The following SAMHD1 variants were observed in gnomAD, a reference collection of about 807,000 sequenced individuals.
SAMHD1 encodes the protein SAM and HD domain containing deoxynucleoside triphosphate triphosphohydrolase 1.
SAMHD1 carries 54 observed loss-of-function variants against 79.6 expected under a neutral mutation model. That is an observed-to-expected ratio of 0.68 (90% CI 0.55 to 0.85). The LOEUF (loss-of-function observed/expected upper bound fraction) is 0.85. SAMHD1 is among the 40% of genes least tolerant of loss of function. The pLI, the probability that SAMHD1 is intolerant of heterozygous loss-of-function variation, is 0.00. For synonymous variants in SAMHD1, 260 were observed against 264.1 expected, an observed-to-expected ratio of 0.98 and a Z score of 0.15; for missense variants, 663 against 782.7, an observed-to-expected ratio of 0.85 and a Z score of 1.82.
chr20:36,943,815 C>A (rs538709685), intron 2 of SAMHD1, among the ~76,000 whole-genome samples: 1 of 152,128 alleles, frequency 6.6e-6, no homozygotes, highest in Non-Finnish European at 1.5e-5. Context: ...GACAGTGGCT[C>A]ACGCCTGTAA....
At chr20:36,914,955 T>C (rs139922523) in intron 9 of SAMHD1, among the ~76,000 whole-genome samples, 26 of 152,096 alleles carry the variant, frequency 1.7e-4, no homozygotes, top group African/African-American at 6.3e-4. Context: ...GAGGTTGCAG[T>C]GATCTGAGAT....
chr20:36,927,404 G>A (rs575748397), intron 5 of SAMHD1, 152 bp from the exon 6 acceptor site: 33 of 661,382 alleles, frequency 5.0e-5, no homozygotes, highest in Non-Finnish European at 7.8e-5. Flanking sequence ...CACAATCTCC[G>A]CCCCCTGGGT....
intron 9 of SAMHD1, among the ~76,000 whole-genome samples, chr20:36,913,529 G>A (rs1413184772): frequency 3.3e-5 from 5 of 150,944 alleles, no homozygotes; most frequent in Non-Finnish European, 5.9e-5. Flanking sequence ...CTTGAACCCA[G>A]GAGGCGGAGG....
At chr20:36,904,717 A>AAAACAAAC (rs377128819) in intron 12 of SAMHD1, 37 of 182,690 alleles carry the variant, frequency 2.0e-4, no homozygotes, top group Admixed American at 1.4e-3. Context: ...ACTCTGTCTA[A>AAAACAAAC]AAACAAACAA....
chr20:36,931,341 T>C (rs1441602100), intron 4 of SAMHD1, among the ~76,000 whole-genome samples: 1 of 152,086 alleles, frequency 6.6e-6, no homozygotes, highest in Non-Finnish European at 1.5e-5. Context: ...CGAAAGTAGG[T>C]CTTGAAAAGA....
intron 1 of SAMHD1, among the ~76,000 whole-genome samples, chr20:36,950,762 G>A (rs2063728397): frequency 6.6e-6 from 1 of 152,184 alleles, no homozygotes; most frequent in Non-Finnish European, 1.5e-5. Context: ...TGTTCTGCAA[G>A]TGCAGTCAAC....
chr20:36,905,810 A>G (rs1016699333), intron 11 of SAMHD1, among the ~76,000 whole-genome samples: 4 of 152,030 alleles, frequency 2.6e-5, no homozygotes, highest in African/African-American at 9.7e-5. Flanking sequence ...GTCTCTACTA[A>G]CAATACAAAA....
At chr20:36,940,501 C>A (rs1251614943) in intron 3 of SAMHD1, 1 of 159,190 alleles carries the variant, frequency 6.3e-6, no homozygotes, top group African/African-American at 2.4e-5. Flanking sequence ...GAGTTTGAGA[C>A]CAGCCTGAGC....
chr20:36,946,423 A>G, intron 2 of SAMHD1: 1 of 281,156 alleles, frequency 3.6e-6, no homozygotes, highest in Non-Finnish European at 6.9e-6. Context: ...AAAAAAAAAA[A>G]AAACCGAAAA....
At chr20:36,935,362 G>A in intron 3 of SAMHD1, 173 bp from the exon 4 acceptor site, 1 of 626,252 alleles carries the variant, frequency 1.6e-6, no homozygotes, top group Non-Finnish European at 2.8e-6. Flanking sequence ...ATCACTACCA[G>A]ACAGATCAAG....
rs1382786005 is a variant in SAMHD1, at chr20:36,927,243, G to A, written c.635C>T (p.Pro212Leu). 1 of 1,613,340 alleles carries A rather than the reference G, an allele frequency of 6.2e-7. No individual in the cohort carries two copies. The highest frequency in any genetic ancestry group is 1.3e-5 in the African/African-American group (1 of 74,778). The change falls in exon 6 of 16, where the codon CCA (proline) becomes CTA (leucine). Residue 212 changes from proline (P) to leucine (L), a missense_variant. Transcript: ENST00000646673. Reference sequence around the variant, plus strand: ...TCGTCCATCAAACATGTGAGAAAATGGCCCATGACCTTAAAAACAAAAGCA... The same window carrying A: ...TCGTCCATCAAACATGTGAGAAAATAGCCCATGACCTTAAAAACAAAAGCA... ...AGLCHDLGHG[P>L]FSHMFDGRFI...
chr20:36,912,267 T>A (rs1043693781), intron 10 of SAMHD1, 194 bp downstream of exon 10: 1 of 565,392 alleles, frequency 1.8e-6, no homozygotes, highest in African/African-American at 1.9e-5. Context: ...CATCTGCCCC[T>A]TTATCCACTT....
intron 13 of SAMHD1, among the ~76,000 whole-genome samples, chr20:36,900,069 G>A (rs368449802): frequency 8.6e-5 from 13 of 150,552 alleles, no homozygotes; most frequent in African/African-American, 3.2e-4. Context: ...ACTCCAACCT[G>A]GGTGACACAG....
intron 9 of SAMHD1, among the ~76,000 whole-genome samples, chr20:36,914,913 G>A (rs2063466491): frequency 6.6e-6 from 1 of 151,884 alleles, no homozygotes; most frequent in African/African-American, 2.4e-5. Context: ...TCGGGAAGCT[G>A]AAGTGGGAGA....
chr20:36,904,132 G>A (rs773476732), intron 13 of SAMHD1, 25 bp downstream of exon 13: 2 of 1,465,634 alleles, frequency 1.4e-6, no homozygotes, highest in Middle Eastern at 1.7e-4. Context: ...TATTCACTCA[G>A]TTTATTACTG....
At chr20:36,947,802 G>A (rs374911494) in intron 1 of SAMHD1, among the ~76,000 whole-genome samples, 1 of 151,826 alleles carries the variant, frequency 6.6e-6, no homozygotes, top group African/African-American at 2.4e-5. Context: ...TGAGTAGCTG[G>A]GACCACAGGC....
At chr20:36,909,674 C>T (rs1232317415) in intron 11 of SAMHD1, among the ~76,000 whole-genome samples, 1 of 109,530 alleles carries the variant, frequency 9.1e-6, no homozygotes, top group African/African-American at 3.2e-5. Context: ...TCTGTCCACC[C>T]CCCTCCAAAA....
intron 15 of SAMHD1, among the ~76,000 whole-genome samples, chr20:36,897,135 C>T (rs1400646759): frequency 1.3e-5 from 2 of 152,260 alleles, no homozygotes; most frequent in South Asian, 4.1e-4. Flanking sequence ...TCCTGAGCTA[C>T]GCTTTCATGT....
chr20:36,941,652 T>C (rs946072043), intron 2 of SAMHD1, among the ~76,000 whole-genome samples: 3 of 152,114 alleles, frequency 2.0e-5, no homozygotes, highest in Non-Finnish European at 4.4e-5. Context: ...CATTTACAAT[T>C]ACTAGTTGGG....
Sources: allele counts gnomAD v4.1 joint callset (sites outside exome capture counted in the v4.1 genomes callset), GRCh38; gene constraint gnomAD v4.1.1; transcripts MANE v1.5; gene names NCBI Gene and HGNC (gene_info 2026-07-23, HGNC 2026-07-21).